Variants in INTS4 observed in about 807,000 individuals in gnomAD.
The protein encoded by INTS4 is MSTP093.
A neutral mutation model predicts 119.5 loss-of-function variants in INTS4; 70 were observed. The ratio of observed to expected loss-of-function variants is 0.59; its 90% CI spans 0.48 to 0.71. The LOEUF (loss-of-function observed/expected upper bound fraction) is 0.71. Among genes scored for constraint, INTS4 ranks in the 30% least tolerant of loss-of-function variants. The pLI is 0.00. For missense variants in INTS4, 867 were observed against 1,173.2 expected (o/e 0.74, Z 3.81); for synonymous variants, 316 against 419.6 (o/e 0.75, Z 3.02).
intron 22 of INTS4, among the ~76,000 whole-genome samples, chr11:77,881,082 C>T (rs554220496): frequency 6.6e-6 from 1 of 152,076 alleles, no homozygotes; most frequent in East Asian, 1.9e-4. Flanking sequence ...AGGAGTAAAG[C>T]GGAGAAGAGA....
At chr11:77,983,303 A>T (rs1334156411) in intron 2 of INTS4, among the ~76,000 whole-genome samples, 3 of 152,150 alleles carry the variant, frequency 2.0e-5, no homozygotes, top group African/African-American at 7.2e-5. Context: ...AATAATAGAG[A>T]CAGGGTCTCA....
At chr11:77,954,905 CT>C (rs933350601) in intron 8 of INTS4, among the ~76,000 whole-genome samples, 2 of 151,488 alleles carry the variant, frequency 1.3e-5, no homozygotes, top group East Asian at 1.9e-4. Flanking sequence ...ATGGGAAAAA[CT>C]TTTTTTTTAT....
At chr11:77,987,616 A>C (rs1479840635) in intron 2 of INTS4, 2 of 450,680 alleles carry the variant, frequency 4.4e-6, no homozygotes, top group African/African-American at 4.0e-5. Context: ...CTGTAATCCC[A>C]ATCCTTTGGG....
In INTS4 at chr11:77,922,470, A is replaced by G. The variant is rs1347427127; in HGVS notation, c.1516T>C (p.Cys506Arg). 2.2e-6 allele frequency: 3 copies of G among 1,376,012 alleles called. No individual in the cohort carries two copies. 85.2% of individuals were successfully genotyped at this position (1,376,012 alleles called of 1,614,324 possible). The change falls in exon 13 of 23, where the codon TGC (cysteine) becomes CGC (arginine). Residue 506 changes from cysteine (C) to arginine (R), a missense_variant and splice_region_variant. By Grantham distance (180) the Cys-to-Arg change is radical (BLOSUM62 -3). Coordinates refer to ENST00000534064, the MANE Select transcript of INTS4 (RefSeq NM_033547.4). ...YPTDRDSIWK[C>R]LKFLGSRHPT... Reference sequence around the variant, plus strand: ...TGCCGACTTCCCAGAAACTTCAAGCACCTGAAACAAACAAATAAGAATGCA... The same window carrying G: ...TGCCGACTTCCCAGAAACTTCAAGCGCCTGAAACAAACAAATAAGAATGCA...
chr11:77,906,061 A>G (rs1952943638), intron 16 of INTS4, among the ~76,000 whole-genome samples: 1 of 152,044 alleles, frequency 6.6e-6, no homozygotes, highest in South Asian at 2.1e-4. Flanking sequence ...TTCCATAATT[A>G]TATTTTGGGG....
intron 15 of INTS4, chr11:77,911,240 T>G (rs188364678): frequency 1.0e-6 from 1 of 964,172 alleles, no homozygotes; most frequent in African/African-American, 1.7e-5. Flanking sequence ...TTGGGTTGCT[T>G]GAACTGGTCC....
At chr11:77,961,975 T>C (rs900409629) in intron 4 of INTS4, among the ~76,000 whole-genome samples, 12 of 152,348 alleles carry the variant, frequency 7.9e-5, no homozygotes, top group East Asian at 5.8e-4. Context: ...TGGATATATA[T>C]GTAGAAGTAG....
chr11:77,920,226 T>TATATAC (rs1199888164), intron 14 of INTS4, among the ~76,000 whole-genome samples: 3,388 of 26,582 alleles, frequency 0.13, 109 homozygotes, highest in African/African-American at 0.29. Context: ...TATACACATA[T>TATATAC]ACATACATAT....
chr11:77,973,436 TAGTAC>T (rs1855810602), intron 4 of INTS4, among the ~76,000 whole-genome samples: 1 of 152,202 alleles, frequency 6.6e-6, no homozygotes, highest in Non-Finnish European at 1.5e-5. Context: ...CAAGAACCTC[TAGTAC>T]AATGTTAAAC....
intron 2 of INTS4, 141 bp from the exon 3 acceptor site, chr11:77,981,717 T>C: frequency 2.5e-6 from 1 of 392,776 alleles, no homozygotes; most frequent in Admixed American, 4.1e-5. Context: ...TAATTTTATA[T>C]ACTTCTGGAG....
At chr11:77,922,657 A>C (rs1414750539) in intron 12 of INTS4, 186 bp from the exon 13 acceptor site, 12 of 879,476 alleles carry the variant, frequency 1.4e-5, no homozygotes, top group Admixed American at 2.9e-5. Flanking sequence ...ATCTAAAAAA[A>C]CTGGTTATTA....
At chr11:77,964,543 C>G (rs1326862584) in intron 4 of INTS4, among the ~76,000 whole-genome samples, 39 of 151,768 alleles carry the variant, frequency 2.6e-4, no homozygotes, top group African/African-American at 9.4e-4. Context: ...CACTGCACTC[C>G]AGCCTGTGTG....
intron 21 of INTS4, among the ~76,000 whole-genome samples, chr11:77,890,131 C>T (rs1952200669): frequency 1.3e-5 from 2 of 152,184 alleles, no homozygotes; most frequent in Non-Finnish European, 2.9e-5. Context: ...TGAAGGTGGA[C>T]AACCACTAAT....
At chr11:77,920,320 A>C (rs1272841185) in intron 14 of INTS4, among the ~76,000 whole-genome samples, 2 of 148,804 alleles carry the variant, frequency 1.3e-5, no homozygotes, top group East Asian at 3.9e-4. Flanking sequence ...TGTTCCTCTA[A>C]ATAAACACAT....
intron 2 of INTS4, among the ~76,000 whole-genome samples, chr11:77,988,452 G>C (rs1271441572): frequency 6.6e-6 from 1 of 152,140 alleles, no homozygotes; most frequent in Non-Finnish European, 1.5e-5. Context: ...CCCTGCTCAA[G>C]GGAAGCTTAT....
At chr11:77,885,819 C>CA (rs1415394109) in intron 21 of INTS4, among the ~76,000 whole-genome samples, 4 of 149,064 alleles carry the variant, frequency 2.7e-5, no homozygotes, top group East Asian at 3.9e-4. Context: ...GATTCTGTCT[C>CA]AAAAAAAAGA....
At chr11:77,903,418 A>G in intron 17 of INTS4, 122 bp downstream of exon 17, 3 of 1,607,042 alleles carry the variant, frequency 1.9e-6, no homozygotes, top group Non-Finnish European at 2.6e-6. Context: ...GGGCAGCTAC[A>G]TGCCACAACT....
intron 10 of INTS4, among the ~76,000 whole-genome samples, chr11:77,930,313 A>G (rs60509203): frequency 0.13 from 19,901 of 152,288 alleles, 1,496 homozygotes; most frequent in East Asian, 0.26. Context: ...ACTACATTAA[A>G]GACAGATGAT....
intron 4 of INTS4, among the ~76,000 whole-genome samples, chr11:77,973,537 G>A (rs1398329085): frequency 6.6e-6 from 1 of 151,672 alleles, no homozygotes; most frequent in Non-Finnish European, 1.5e-5. Flanking sequence ...TAAGTATGAT[G>A]TTTCCTGTCA....
Sources: allele counts gnomAD v4.1 joint callset (sites outside exome capture counted in the v4.1 genomes callset), GRCh38; gene constraint gnomAD v4.1.1; transcripts MANE v1.5; gene names NCBI Gene and HGNC (gene_info 2026-07-23, HGNC 2026-07-21).